The following TACR3 variants were observed in gnomAD, a reference collection of about 807,000 sequenced individuals.
The protein encoded by TACR3 is tachykinin receptor 3.
Under a neutral mutation model 35.0 loss-of-function variants are expected in TACR3, and 34 were observed. The ratio of observed to expected loss-of-function variants is 0.97; its 90% CI spans 0.74 to 1.30. TACR3 has a LOEUF of 1.30. Among genes scored for constraint, TACR3 ranks in the 50% most tolerant of loss-of-function variants. The pLI is 0.00. For missense variants in TACR3, 558 were observed against 591.7 expected, an observed-to-expected ratio of 0.94 and a Z score of 0.59; for synonymous variants, 233 against 221.1, an observed-to-expected ratio of 1.05 and a Z score of -0.48.
At chr4:103,625,620 C>T (rs141378910) in intron 3 of TACR3, among the ~76,000 whole-genome samples, 131 of 152,234 alleles carry the variant, frequency 8.6e-4, no homozygotes, top group African/African-American at 3.1e-3. Context: ...TAGTAGCACT[C>T]TCACTTGCCA....
intron 4 of TACR3, chr4:103,591,173 T>C (rs1323050247): frequency 2.6e-6 from 1 of 387,536 alleles, no homozygotes; most frequent in Non-Finnish European, 4.8e-6. Context: ...TCAATTCTCC[T>C]TTAATCATGA....
At chr4:103,653,171 T>A (rs764173182) in intron 3 of TACR3, among the ~76,000 whole-genome samples, 11 of 152,136 alleles carry the variant, frequency 7.2e-5, no homozygotes, top group Non-Finnish European at 1.2e-4. Flanking sequence ...AAACTGGAAC[T>A]TTAAAATGTC....
chr4:103,710,310 T>G (rs1722913325), intron 1 of TACR3, among the ~76,000 whole-genome samples: 1 of 152,288 alleles, frequency 6.6e-6, no homozygotes, highest in African/African-American at 2.4e-5. Context: ...AAACTGTCTC[T>G]CAGACCACAG....
intron 1 of TACR3, among the ~76,000 whole-genome samples, chr4:103,687,586 A>C (rs1478173602): frequency 2.6e-5 from 4 of 152,082 alleles, no homozygotes; most frequent in Non-Finnish European, 5.9e-5. Flanking sequence ...AATCACAAGC[A>C]TTCTTATACA....
intron 3 of TACR3, among the ~76,000 whole-genome samples, chr4:103,592,654 G>A (rs1203350672): frequency 2.0e-5 from 3 of 152,146 alleles, no homozygotes; most frequent in African/African-American, 7.2e-5. Flanking sequence ...GATACTTTAA[G>A]CTAAACAATT....
At chr4:103,697,634 C>G (rs1200180296) in intron 1 of TACR3, among the ~76,000 whole-genome samples, 1 of 151,892 alleles carries the variant, frequency 6.6e-6, no homozygotes, top group Non-Finnish European at 1.5e-5. Context: ...CCACGTTAGC[C>G]AGGATAGTCT....
chr4:103,618,157 G>A (rs529658011), intron 3 of TACR3, among the ~76,000 whole-genome samples: 4 of 152,200 alleles, frequency 2.6e-5, no homozygotes, highest in South Asian at 2.1e-4. Flanking sequence ...TGCCAAGGTC[G>A]ATGTTGAGAA....
chr4:103,600,054 G>C (rs1185726726), intron 3 of TACR3, among the ~76,000 whole-genome samples: 1 of 152,064 alleles, frequency 6.6e-6, no homozygotes, highest in Non-Finnish European at 1.5e-5. Flanking sequence ...TTGTAACTCT[G>C]GTAGAATTCG....
At chr4:103,648,491 T>A (rs1199002148) in intron 3 of TACR3, among the ~76,000 whole-genome samples, 2 of 151,998 alleles carry the variant, frequency 1.3e-5, no homozygotes, top group Non-Finnish European at 2.9e-5. Flanking sequence ...CTCCATGAGC[T>A]CAATTATTTT....
rs188550439 is a variant in TACR3, at chr4:103,602,975, C to T, written c.889-11292G>A. ...CTGCTGTCTTTTTGTTTGTCTGTGC[C>T]CTACACCAAGAGGTGGAGCCTACAG... On this transcript the variant is annotated intron_variant, in intron 3 of 4. Coordinates refer to ENST00000304883, the MANE Select transcript of TACR3 (RefSeq NM_001059.3). 1.7e-4 allele frequency among the ~76,000 whole-genome samples: 26 copies of T among 152,348 alleles called. No individual in the cohort carries two copies. In the East Asian group the frequency reaches 4.4e-3, roughly 26 times the overall value.
intron 1 of TACR3, among the ~76,000 whole-genome samples, chr4:103,671,582 C>A (rs1194653217): frequency 1.3e-5 from 2 of 151,894 alleles, no homozygotes; most frequent in Non-Finnish European, 2.9e-5. Context: ...CTTATAGTTG[C>A]ACAATAGTAG....
rs368351080 is a variant in TACR3, at chr4:103,699,134, AAAGT to A, written c.548+19990_548+19993del. ...TCTAACACTATAGGGGAGAGAGGCA[AAAGT>A]AAGTATTACAGATGGTCCAATTACA... On this transcript the variant is annotated intron_variant, in intron 1 of 4. Coordinates refer to ENST00000304883, the MANE Select transcript of TACR3 (RefSeq NM_001059.3). Among the ~76,000 whole-genome samples, 1,226 of 152,340 alleles carry A rather than the reference AAAGT, an allele frequency of 8.0e-3. 20 individuals are homozygous for A. Among genetic ancestry groups the A allele is most frequent in the African/African-American group, 0.028 (1,173 of 41,572 alleles).
intron 1 of TACR3, among the ~76,000 whole-genome samples, chr4:103,696,509 A>C (rs2110220081): frequency 6.6e-6 from 1 of 152,340 alleles, no homozygotes; most frequent in South Asian, 2.1e-4. Flanking sequence ...CAGAGCAAGC[A>C]TCGTTTCTAT....
chr4:103,713,460 TG>T (rs1723017579), intron 1 of TACR3, among the ~76,000 whole-genome samples: 1 of 101,318 alleles, frequency 9.9e-6, no homozygotes, highest in Non-Finnish European at 1.8e-5. Context: ...CATCACACAC[TG>T]GGGCCTGTCA....
rs1398169926 is a variant in TACR3 at position 103,629,191 on chromosome 4, T to G, written c.888+27003A>C. Among the ~76,000 whole-genome samples the G allele has an allele frequency of 3.3e-5, 5 of 152,146 alleles. No individual in the cohort carries two copies. The East Asian group carries it at 9.6e-4, about 29-fold the overall frequency. Reference sequence around the variant, plus strand: ...AACCCACAGCCAATATCATACTGAATGGGCAAAAACTGGAAGCATTCCCTT... The same window carrying G: ...AACCCACAGCCAATATCATACTGAAGGGGCAAAAACTGGAAGCATTCCCTT... On this transcript the variant is annotated intron_variant, in intron 3 of 4. Coordinates refer to ENST00000304883, the MANE Select transcript of TACR3 (RefSeq NM_001059.3).
At position 103,613,360 on chromosome 4, in the gene TACR3, T is replaced by C. The variant is rs72945340; in HGVS notation, c.889-21677A>G. On this transcript the variant is annotated intron_variant, in intron 3 of 4. Transcript: ENST00000304883. Reference sequence around the variant, plus strand: ...TGAAAATTATTTAAAATAATGCTTTTAAGCATTACTTAGGGAAAACTGCCA... The same window carrying C: ...TGAAAATTATTTAAAATAATGCTTTCAAGCATTACTTAGGGAAAACTGCCA... 4.7e-3 allele frequency among the ~76,000 whole-genome samples: 723 copies of C among 152,300 alleles called. 6 individuals are homozygous for C. The highest frequency in any genetic ancestry group is 0.014 in the East Asian group (73 of 5,182).
In TACR3 at chr4:103,719,777, G is replaced by C; in HGVS notation, c.-102C>G. 3.4e-6 allele frequency: 5 copies of C among 1,458,314 alleles called. No individual in the cohort carries two copies. The highest frequency in any genetic ancestry group is 2.8e-6 in the Non-Finnish European group (3 of 1,067,988). The allele number at this position is 1,458,314 out of a possible 1,614,324, so 90.3% of individuals were successfully genotyped here. A position where few individuals can be genotyped will look rare whatever the true frequency, so the allele number is the denominator to read the frequency against. On this transcript the variant is annotated 5_prime_UTR_variant, in exon 1 of 5. Coordinates refer to ENST00000304883, the MANE Select transcript of TACR3 (RefSeq NM_001059.3). Reference sequence around the variant, plus strand: ...CTGCCTCCTGGTCACTTTGGTGCCGGAGTCTTCAGATAAGACTGGAAGCTG... The same window carrying C: ...CTGCCTCCTGGTCACTTTGGTGCCGCAGTCTTCAGATAAGACTGGAAGCTG...
intron 1 of TACR3, among the ~76,000 whole-genome samples, chr4:103,694,842 A>G (rs2110219104): frequency 6.6e-6 from 1 of 152,268 alleles, no homozygotes; most frequent in East Asian, 1.9e-4. Flanking sequence ...GATAATGATG[A>G]AAGGGATCAA....
chr4:103,681,428 C>T (rs975838464), intron 1 of TACR3, among the ~76,000 whole-genome samples: 1 of 151,888 alleles, frequency 6.6e-6, no homozygotes, highest in Non-Finnish European at 1.5e-5. Context: ...AAATTTGTAG[C>T]TTAATGGACC....
Sources: allele counts gnomAD v4.1 joint callset (sites outside exome capture counted in the v4.1 genomes callset), GRCh38; gene constraint gnomAD v4.1.1; transcripts MANE v1.5; gene names NCBI Gene and HGNC (gene_info 2026-07-23, HGNC 2026-07-21).